Variants in LARS1 observed in about 807,000 individuals in gnomAD.
The protein encoded by LARS1 is leucyl-tRNA synthetase 1, also known as leucine--tRNA ligase, cytoplasmic.
Under a neutral mutation model 162.8 loss-of-function variants are expected in LARS1, and 100 were observed. The ratio of observed to expected loss-of-function variants is 0.61; its 90% CI spans 0.52 to 0.73. LARS1 has a LOEUF of 0.73. Ranked by LOEUF, LARS1 falls within the 30% of genes least tolerant of loss-of-function variation. LARS1 has a pLI of 0.00. For synonymous variants in LARS1, 457 were observed against 462.8 expected (o/e 0.99, Z 0.16); for missense variants, 1,258 against 1,408.9 (o/e 0.89, Z 1.71).
chr5:146,168,619 A>G (rs1171412932), intron 4 of LARS1, among the ~76,000 whole-genome samples: 2 of 152,144 alleles, frequency 1.3e-5, no homozygotes, highest in Non-Finnish European at 2.9e-5. Flanking sequence ...CAAGAGGCAG[A>G]GGGTGCAGTG....
intron 4 of LARS1, among the ~76,000 whole-genome samples, chr5:146,169,487 T>G (rs1394747758): frequency 6.6e-6 from 1 of 152,090 alleles, no homozygotes; most frequent in Non-Finnish European, 1.5e-5. Flanking sequence ...AAACCAGGGT[T>G]ATTGAGTAAC....
At chr5:146,182,384 T>C in intron 1 of LARS1, 104 bp downstream of exon 1, 1 of 1,483,250 alleles carries the variant, frequency 6.7e-7, no homozygotes, top group Non-Finnish European at 9.4e-7. Flanking sequence ...AGCGTGGCTC[T>C]CTTTTAGAAA....
At chr5:146,159,525 A>C (rs1292028205) in intron 7 of LARS1, 55 bp from the exon 8 acceptor site, 1 of 1,358,842 alleles carries the variant, frequency 7.4e-7, no homozygotes, top group Non-Finnish European at 1.0e-6. Context: ...GTTTTATCCT[A>C]CCATATTTGC....
intron 31 of LARS1, among the ~76,000 whole-genome samples, chr5:146,118,905 AAAC>A (rs1751689100): frequency 6.6e-6 from 1 of 152,232 alleles, no homozygotes; most frequent in Admixed American, 6.5e-5. Context: ...ATACACCTAT[AAAC>A]AACAACATCC....
chr5:146,181,836 G>A (rs1381687268), intron 1 of LARS1, among the ~76,000 whole-genome samples: 2 of 71,262 alleles, frequency 2.8e-5, no homozygotes, highest in Non-Finnish European at 5.7e-5. Flanking sequence ...ACGGAGAGGC[G>A]CTCAATTTTT....
In LARS1 at chr5:146,114,228, C is replaced by T. The variant is rs201386463; in HGVS notation, c.3409G>A (p.Glu1137Lys). ...GCATGCTCAGAAATGGGGGTCTTCT[C>T]GGTGTACTCCTTTCCCAGGACAGGA... The part of the protein sequence containing the change: ...RVPVLGKEYT[E>K]KTPISEHAVF... The change falls in exon 32 of 32, where the codon GAG becomes AAG. Residue 1137 changes from glutamate (E) to lysine (K), a missense_variant. By Grantham distance (56) the Glu-to-Lys change is moderately conservative. Coordinates refer to ENST00000394434, the MANE Select transcript of LARS1 (RefSeq NM_020117.11). 9.6e-5 allele frequency: 155 copies of T among 1,613,804 alleles called. No individual in the cohort carries two copies. The highest frequency in any genetic ancestry group is 7.8e-4 in the South Asian group (71 of 91,048).
Position 146,124,106 on chromosome 5 carries a change from G to A in LARS1, c.2992-20C>T, listed in dbSNP as rs200412384. 1 of 1,428,084 alleles carries A rather than the reference G, an allele frequency of 7.0e-7. No individual in the cohort carries two copies. The highest frequency in any genetic ancestry group is 2.3e-5 in the East Asian group (1 of 43,836). 88.5% of individuals were successfully genotyped at this position (1,428,084 alleles called of 1,614,324 possible). A position where few individuals can be genotyped will look rare whatever the true frequency, so the allele number is the denominator to read the frequency against. On this transcript the variant is annotated intron_variant, in intron 28 of 31. Transcript: ENST00000394434. The stretch of plus-strand genomic sequence containing the variant: ...ATTTTCCTAATAGCCAAAATGGTAT[G>A]GAAAAACAAAATCACAGTAAGAATA...
At chr5:146,170,598 G>A (rs1405894149) in intron 4 of LARS1, among the ~76,000 whole-genome samples, 1 of 152,168 alleles carries the variant, frequency 6.6e-6, no homozygotes, top group African/African-American at 2.4e-5. Context: ...ACAGGACTCT[G>A]ATAATGTAGA....
At chr5:146,145,917 T>C (rs1581043449) in intron 15 of LARS1, among the ~76,000 whole-genome samples, 1 of 152,090 alleles carries the variant, frequency 6.6e-6, no homozygotes, top group Non-Finnish European at 1.5e-5. Context: ...AAAAAAGCAA[T>C]ATGAATGACA....
At chr5:146,147,483 T>C (rs1159874470) in intron 15 of LARS1, among the ~76,000 whole-genome samples, 1 of 152,070 alleles carries the variant, frequency 6.6e-6, no homozygotes, top group African/African-American at 2.4e-5. Context: ...ATCCGGGTGA[T>C]AGGTATTACA....
At chr5:146,147,687 T>C (rs1753076137) in intron 15 of LARS1, among the ~76,000 whole-genome samples, 2 of 152,118 alleles carry the variant, frequency 1.3e-5, no homozygotes, top group East Asian at 3.9e-4. Flanking sequence ...TGCCAGGATC[T>C]AAGAGGTTCA....
At position 146,160,370 on chromosome 5, in the gene LARS1, T is replaced by A. The variant is rs1753726682; in HGVS notation, c.707+4A>T. ...TTTATTATGCTCAAGTATAACAAAC[T>A]TACCGCTTCCCAAATTTAATTTTGT... On this transcript the variant is annotated splice_donor_region_variant and intron_variant, in intron 7 of 31. Coordinates refer to ENST00000394434, the MANE Select transcript of LARS1 (RefSeq NM_020117.11). 1 of 1,505,946 alleles carries A rather than the reference T, an allele frequency of 6.6e-7. No individual in the cohort carries two copies. Among genetic ancestry groups the A allele is most frequent in the Non-Finnish European group, 9.1e-7 (1 of 1,103,322 alleles). The allele number at this position is 1,505,946 out of a possible 1,614,324, so 93.3% of individuals were successfully genotyped here. A position where few individuals can be genotyped will look rare whatever the true frequency, so the allele number is the denominator to read the frequency against.
chr5:146,151,318 T>C (rs967702899), intron 14 of LARS1, among the ~76,000 whole-genome samples: 6 of 152,236 alleles, frequency 3.9e-5, no homozygotes, highest in African/African-American at 1.4e-4. Flanking sequence ...TTCATTTGAC[T>C]CTGAAGCACC....
chr5:146,126,655 AC>A (rs1319981272), intron 27 of LARS1, 110 bp from the exon 28 acceptor site: 1 of 680,644 alleles, frequency 1.5e-6, no homozygotes, highest in Non-Finnish European at 2.6e-6. Flanking sequence ...TCCTTAGAGA[AC>A]AGCAGAAAAG....
chr5:146,153,843 A>T, intron 11 of LARS1, 33 bp from the exon 12 acceptor site: 1 of 1,610,868 alleles, frequency 6.2e-7, no homozygotes, highest in Non-Finnish European at 8.5e-7. Context: ...TAATAACTAG[A>T]ACCAAAATGT....
rs35869904 is a variant in LARS1 at position 146,132,827 on chromosome 5, G to A, written c.2396+71C>T. The A allele has an allele frequency of 4.3e-4, 480 of 1,117,980 alleles. 1 individual carries two copies. The highest frequency in any genetic ancestry group is 1.3e-3 in the Admixed American group (49 of 38,012). 69.3% of individuals were successfully genotyped at this position (1,117,980 alleles called of 1,614,324 possible). A position where few individuals can be genotyped will look rare whatever the true frequency, so the allele number is the denominator to read the frequency against. ...ATTAAAAAAAAAAAAGAAAAGAAAAGAAAAAGAAAACAAAAATGCACCAGG... is the reference window on the plus strand; with the variant it reads ...ATTAAAAAAAAAAAAGAAAAGAAAAAAAAAAGAAAACAAAAATGCACCAGG... On this transcript the variant is annotated intron_variant, in intron 23 of 31. Coordinates refer to ENST00000394434, the MANE Select transcript of LARS1 (RefSeq NM_020117.11).
At chr5:146,180,960 C>T (rs116686165) in intron 1 of LARS1, 1,679 of 152,298 alleles carry the variant, frequency 0.011, 24 homozygotes, top group African/African-American at 0.034. Flanking sequence ...TACACTGTTG[C>T]CCCTGCCTGG....
At chr5:146,129,266 A>T in intron 25 of LARS1, 148 bp from the exon 26 acceptor site, 1 of 582,830 alleles carries the variant, frequency 1.7e-6, no homozygotes, top group Non-Finnish European at 2.8e-6. Context: ...ACACTTGCAC[A>T]GCCCCTGATC....
At chr5:146,118,123 T>C (rs891233821) in intron 31 of LARS1, among the ~76,000 whole-genome samples, 8 of 152,168 alleles carry the variant, frequency 5.3e-5, no homozygotes, top group African/African-American at 1.9e-4. Flanking sequence ...AACCTAAGTG[T>C]CCATCAACGG....
Sources: gnomAD v4.1 joint callset for allele counts (sites outside exome capture counted in the v4.1 genomes callset) on GRCh38, gnomAD v4.1.1 for gene constraint, MANE v1.5 for transcripts, NCBI Gene and HGNC (gene_info 2026-07-23, HGNC 2026-07-21) for gene names.